Variants in RGS12 observed in about 807,000 individuals in gnomAD.
The protein encoded by RGS12 is regulator of G protein signaling 12, also known as regulator of G-protein signaling 12.
A neutral mutation model predicts 120.1 loss-of-function variants in RGS12; 66 were observed. The observed-to-expected ratio is 0.55, with a 90% CI of 0.45 to 0.67. RGS12 has a LOEUF of 0.67. RGS12 is among the 30% of genes least tolerant of loss of function. RGS12 has a pLI of 0.00. For synonymous variants in RGS12, 827 were observed against 804.7 expected, an observed-to-expected ratio of 1.03 and a Z score of -0.47; for missense variants, 1,859 against 1,957.7, an observed-to-expected ratio of 0.95 and a Z score of 0.95.
At chr4:3,375,294 C>A (rs1320559237) in intron 3 of RGS12, among the ~76,000 whole-genome samples, 1 of 137,572 alleles carries the variant, frequency 7.3e-6, no homozygotes, top group African/African-American at 2.7e-5. Flanking sequence ...CAGCCCTCAT[C>A]TCCAGCCCTC....
chr4:3,414,868 G>A lies in RGS12; in HGVS notation c.2283+24G>A, dbSNP rs1340752776. ...AGGTAAGTCCACGCTTGGGAAGTGG[G>A]GGCTGTGTGAGAGTGGCGTGTGAGA... On this transcript the variant is annotated intron_variant, in intron 6 of 17. Transcript: ENST00000336727. 10 of 1,560,218 alleles carry A rather than the reference G, an allele frequency of 6.4e-6. No individual in the cohort carries two copies. The South Asian group carries it at 1.0e-4, about 16-fold the overall frequency.
chr4:3,296,456 T>C (rs966601272), intron 1 of RGS12, among the ~76,000 whole-genome samples: 4 of 151,884 alleles, frequency 2.6e-5, no homozygotes, highest in Non-Finnish European at 5.9e-5. Context: ...TCTCAAAGGG[T>C]TGGGATTGCA....
chr4:3,316,249 CG>C lies in RGS12; in HGVS notation c.84del (p.Arg29GlyfsTer20), dbSNP rs749583531. On this transcript the variant is annotated frameshift_variant, in exon 2 of 18. Coordinates refer to ENST00000336727, the MANE Select transcript of RGS12 (RefSeq NM_001394154.1). LOFTEE classifies it high-confidence loss of function. ...AAGGGTGCGGAGTGTGGAGGTTGCC[CG>C]GGGGAGGGCCGGCTACGGATTCACG... ...PPRVRSVEVA[R>X]GRAGYGFTLS... 2.2e-5 allele frequency: 36 copies of C among 1,612,960 alleles called. No individual in the cohort carries two copies. Among genetic ancestry groups the C allele is most frequent in the Non-Finnish European group, 3.1e-5 (36 of 1,179,388 alleles).
At position 3,349,463 on chromosome 4, in the gene RGS12, TA is replaced by T. The variant is rs776968964; in HGVS notation, c.1998+6411del. Among the ~76,000 whole-genome samples the T allele has an allele frequency of 3.9e-5, 6 of 152,330 alleles. No individual in the cohort carries two copies. The East Asian group carries it at 1.2e-3, about 29-fold the overall frequency. On this transcript the variant is annotated intron_variant, in intron 3 of 17. Transcript: ENST00000336727. ...ACTTTCTTCACATCTCTCGCTCTCCTACTTAGTGGTTTCTTTCTCTTTGCTT... is the reference window on the plus strand; with the variant it reads ...ACTTTCTTCACATCTCTCGCTCTCCTCTTAGTGGTTTCTTTCTCTTTGCTT...
chr4:3,430,908 T>G lies in RGS12; in HGVS notation c.4067T>G (p.Leu1356Arg). The G allele has an allele frequency of 1.9e-6, 3 of 1,612,834 alleles. No individual in the cohort carries two copies. The highest frequency in any genetic ancestry group is 2.5e-6 in the Non-Finnish European group (3 of 1,179,954). Residue 1356 changes from leucine to arginine, a missense_variant, in exon 17 of 18, where the codon CTG becomes CGG. Leu to Arg is a moderately radical substitution (Grantham distance 102). Coordinates refer to ENST00000336727, the MANE Select transcript of RGS12 (RefSeq NM_001394154.1). The part of the protein sequence containing the change: ...GDISSPNSTL[L>R]PPPSTPQEVP... The stretch of plus-strand genomic sequence containing the variant: ...ATCAGCAGCCCCAACAGCACCTTGC[T>G]GCCGCCGCCCTCCACCCCCCAGGAA...
At chr4:3,309,423 AACCGTGCAGGGGAGGAGCTGGGACCCAGG>A (rs1171347681) in intron 1 of RGS12, among the ~76,000 whole-genome samples, 8 of 132,574 alleles carry the variant, frequency 6.0e-5, no homozygotes, top group Non-Finnish European at 1.3e-4. Flanking sequence ...CGCTGAGGGG[AACCGTGCAGGGGAGGAGCTGGGACCCAGG>A]AATGGCAGGT....
chr4:3,416,210 G>T (rs1722383211), intron 7 of RGS12, 89 bp downstream of exon 7: 9 of 1,464,270 alleles, frequency 6.1e-6, no homozygotes, highest in Non-Finnish European at 8.4e-6. Context: ...CTATCAGGCA[G>T]GCCAGTGGAT....
intron 9 of RGS12, 177 bp from the exon 10 acceptor site, chr4:3,420,465 A>G (rs1391756453): frequency 1.5e-6 from 1 of 655,440 alleles, no homozygotes; most frequent in Non-Finnish European, 2.7e-6. Context: ...TTCCAGGGTT[A>G]GGAAGACACA....
chr4:3,421,896 G>A (rs1230240470), intron 10 of RGS12, among the ~76,000 whole-genome samples: 1 of 152,246 alleles, frequency 6.6e-6, no homozygotes, highest in Non-Finnish European at 1.5e-5. Flanking sequence ...CTAGTTTCCT[G>A]AAATAATGCT....
Position 3,317,467 on chromosome 4 carries a change from G to A in RGS12, c.1297G>A (p.Glu433Lys), listed in dbSNP as rs1578714037. The A allele has an allele frequency of 1.2e-6, 2 of 1,614,028 alleles. No individual in the cohort carries two copies. Among genetic ancestry groups the A allele is most frequent in the Middle Eastern group, 1.6e-4 (1 of 6,062 alleles). Residue 433 changes from glutamate (E) to lysine (K), a missense_variant, in exon 2 of 18, where the codon GAG becomes AAG. Glu to Lys is a moderately conservative substitution (Grantham distance 56, BLOSUM62 1). Around this residue, in one of 3 missense-constraint regions of RGS12, gnomAD observed 967 missense variants for 994.2 expected, o/e 0.97. Transcript: ENST00000336727. ...CGGCATTGGGAACTTCCACCAGGAG[G>A]AGAAGAGCAACCGGGTCCTTGTGGT... The part of the protein sequence containing the change: ...DSGIGNFHQE[E>K]KSNRVLVVDL...
At chr4:3,414,619 A>G in intron 5 of RGS12, 133 bp from the exon 6 acceptor site, 1 of 693,582 alleles carries the variant, frequency 1.4e-6, no homozygotes, top group Non-Finnish European at 2.5e-6. Context: ...CTGGGCAGCG[A>G]TGAGGTTTCT....
chr4:3,289,477 T>C (rs1317927565), upstream of RGS12, among the ~76,000 whole-genome samples: 4 of 152,206 alleles, frequency 2.6e-5, no homozygotes, highest in African/African-American at 9.6e-5. Flanking sequence ...GAGCTGGGAT[T>C]ACAGGCATGA....
chr4:3,383,128 C>T (rs942227178), intron 3 of RGS12, among the ~76,000 whole-genome samples: 9 of 152,034 alleles, frequency 5.9e-5, no homozygotes, highest in Admixed American at 1.3e-4. Context: ...CACTACTCCC[C>T]GAGGGCCATG....
At chr4:3,351,964 C>T (rs755730736) in intron 3 of RGS12, among the ~76,000 whole-genome samples, 3 of 151,990 alleles carry the variant, frequency 2.0e-5, no homozygotes, top group African/African-American at 7.3e-5. Context: ...TATTTTTGCT[C>T]TCAGATCATG....
intron 1 of RGS12, among the ~76,000 whole-genome samples, chr4:3,294,557 G>A (rs574844240): frequency 1.1e-4 from 17 of 152,326 alleles, no homozygotes; most frequent in Admixed American, 4.6e-4. Context: ...TCCGGTGCCC[G>A]GGCCCTGCGT....
intron 1 of RGS12, among the ~76,000 whole-genome samples, chr4:3,307,946 G>C (rs1724063078): frequency 2.0e-5 from 3 of 152,222 alleles, no homozygotes; most frequent in South Asian, 2.1e-4. Flanking sequence ...GGTGTATTTG[G>C]GTTCCAGCCA....
Position 3,302,625 on chromosome 4 carries a change from A to G in RGS12, c.-102+9526A>G, listed in dbSNP as rs556185517. Among the ~76,000 whole-genome samples the G allele has an allele frequency of 2.5e-4, 38 of 152,256 alleles. 1 individual carries two copies. The South Asian group carries it at 7.5e-3, about 30-fold the overall frequency. ...GGGGGCCTGTGTGTGTGCCCACAGCACCACATCAGAAAGCCCCGGAAGGCT... is the reference window on the plus strand; with the variant it reads ...GGGGGCCTGTGTGTGTGCCCACAGCGCCACATCAGAAAGCCCCGGAAGGCT... On this transcript the variant is annotated intron_variant, in intron 1 of 17. Transcript: ENST00000336727.
chr4:3,340,147 C>G (rs1427296700), intron 2 of RGS12, among the ~76,000 whole-genome samples: 1 of 152,248 alleles, frequency 6.6e-6, no homozygotes, highest in Non-Finnish European at 1.5e-5. Context: ...GTGTTGTGGC[C>G]TCCGTGTCGT....
chr4:3,402,418 C>T (rs1720686996), intron 4 of RGS12, among the ~76,000 whole-genome samples: 1 of 152,204 alleles, frequency 6.6e-6, no homozygotes, highest in African/African-American at 2.4e-5. Context: ...TCCTCCTTCC[C>T]TGAAGCCTGG....
Sources: allele counts gnomAD v4.1 joint callset (sites outside exome capture counted in the v4.1 genomes callset), GRCh38; gene constraint gnomAD v4.1.1; regional missense constraint gnomAD v4.1.1; transcripts MANE v1.5; gene names NCBI Gene and HGNC (gene_info 2026-07-23, HGNC 2026-07-21).